SNX29: variants seen among roughly 807,000 people sequenced by gnomAD.
The protein encoded by SNX29 is sorting nexin-29.
In SNX29, 78 loss-of-function variants were observed where a neutral mutation model predicts 102.1. The ratio of observed to expected loss-of-function variants is 0.76; its 90% CI spans 0.64 to 0.92. SNX29 has a LOEUF of 0.92. Ranked by LOEUF, SNX29 falls within the 40% of genes least tolerant of loss-of-function variation. The pLI is 0.00. For synonymous variants in SNX29, 580 were observed against 414.5 expected (o/e 1.40, Z -4.85); for missense variants, 1,280 against 1,061.7 (o/e 1.21, Z -2.86).
At chr16:12,432,855 A>G (rs768931403) in intron 18 of SNX29, among the ~76,000 whole-genome samples, 45 of 152,218 alleles carry the variant, frequency 3.0e-4, no homozygotes, top group Non-Finnish European at 5.9e-4. Flanking sequence ...GCTCCCCACT[A>G]TGCAACTGCC....
intron 20 of SNX29, among the ~76,000 whole-genome samples, chr16:12,536,949 C>G (rs912015243): frequency 4.1e-4 from 63 of 152,016 alleles, no homozygotes; most frequent in African/African-American, 3.4e-4. Flanking sequence ...GCACTCCAGC[C>G]TAGGCGACAG....
At chr16:12,148,348 T>C (rs1207591754) in intron 13 of SNX29, among the ~76,000 whole-genome samples, 1 of 152,200 alleles carries the variant, frequency 6.6e-6, no homozygotes, top group East Asian at 1.9e-4. Context: ...TCCCTCTTGT[T>C]TCTGGTAATG....
At chr16:12,176,912 G>T (rs996164691) in intron 13 of SNX29, among the ~76,000 whole-genome samples, 2 of 152,058 alleles carry the variant, frequency 1.3e-5, no homozygotes, top group Non-Finnish European at 2.9e-5. Flanking sequence ...AAAATTTGCA[G>T]GTCCTGGGGT....
intron 19 of SNX29, chr16:12,515,381 G>A (rs1046308602): frequency 7.0e-5 from 28 of 398,400 alleles, no homozygotes; most frequent in South Asian, 4.8e-4. Flanking sequence ...ATCAACAAAC[G>A]AATATATGTG....
intron 15 of SNX29, among the ~76,000 whole-genome samples, chr16:12,345,185 T>C (rs1356862269): frequency 6.6e-6 from 1 of 152,222 alleles, no homozygotes; most frequent in African/African-American, 2.4e-5. Flanking sequence ...AGCTGTGAAC[T>C]GCCCAGGAGA....
chr16:12,506,264 T>C (rs974468899), intron 19 of SNX29, among the ~76,000 whole-genome samples: 2 of 152,056 alleles, frequency 1.3e-5, no homozygotes, highest in African/African-American at 2.4e-5. Flanking sequence ...GCCTGGCTAG[T>C]GTGTCCATTC....
intron 16 of SNX29, among the ~76,000 whole-genome samples, chr16:12,361,591 C>G (rs923869229): frequency 1.3e-5 from 2 of 152,114 alleles, no homozygotes; most frequent in Non-Finnish European, 2.9e-5. Context: ...AAAGCTGAGA[C>G]TCAGAAATGA....
intron 13 of SNX29, among the ~76,000 whole-genome samples, chr16:12,175,220 G>T (rs182340178): frequency 1.3e-5 from 2 of 152,176 alleles, no homozygotes; most frequent in Non-Finnish European, 2.9e-5. Flanking sequence ...CCAGAAGTGG[G>T]TCACTCTTGG....
intron 19 of SNX29, chr16:12,515,591 A>C (rs775830042): frequency 2.0e-6 from 1 of 489,860 alleles, no homozygotes; most frequent in Admixed American, 2.3e-5. Flanking sequence ...CTGAATCTTC[A>C]GGTGACCTCC....
intron 18 of SNX29, among the ~76,000 whole-genome samples, chr16:12,436,783 A>C (rs1054136083): frequency 5.3e-5 from 8 of 152,194 alleles, no homozygotes; most frequent in Non-Finnish European, 1.2e-4. Flanking sequence ...CCTCCCTAGT[A>C]GCTGGGATTA....
intron 15 of SNX29, among the ~76,000 whole-genome samples, chr16:12,317,170 C>G (rs148713622): frequency 3.7e-4 from 57 of 152,306 alleles, no homozygotes; most frequent in African/African-American, 1.3e-3. Context: ...GGCGGACTGT[C>G]TTTAGGTTAA....
intron 16 of SNX29, among the ~76,000 whole-genome samples, chr16:12,359,813 C>G (rs952312350): frequency 3.9e-5 from 6 of 152,060 alleles, no homozygotes; most frequent in African/African-American, 1.4e-4. Flanking sequence ...ATTATCACAC[C>G]TATTTTTATT....
At chr16:12,437,653 C>T (rs1416210244) in intron 18 of SNX29, among the ~76,000 whole-genome samples, 5 of 152,214 alleles carry the variant, frequency 3.3e-5, no homozygotes, top group Non-Finnish European at 7.3e-5. Context: ...TAGCTGCCCT[C>T]TCCTCCTTCA....
chr16:12,476,427 T>C (rs1275461049), intron 18 of SNX29, among the ~76,000 whole-genome samples: 2 of 85,452 alleles, frequency 2.3e-5, no homozygotes, highest in Admixed American at 1.6e-4. Flanking sequence ...TATATATATA[T>C]ATATATATAT....
At chr16:12,242,922 G>C (rs1299641250) in intron 14 of SNX29, among the ~76,000 whole-genome samples, 2 of 152,040 alleles carry the variant, frequency 1.3e-5, no homozygotes. Context: ...TGCTAGGATT[G>C]CAGGTGTGGG....
At chr16:12,120,226 A>AG (rs2053915721) in intron 11 of SNX29, among the ~76,000 whole-genome samples, 1 of 152,226 alleles carries the variant, frequency 6.6e-6, no homozygotes, top group Non-Finnish European at 1.5e-5. Context: ...ATGATGATGT[A>AG]GGTTAAGTCC....
intron 19 of SNX29, among the ~76,000 whole-genome samples, chr16:12,491,604 G>A (rs1202788093): frequency 6.6e-6 from 1 of 151,786 alleles, no homozygotes; most frequent in Non-Finnish European, 1.5e-5. Flanking sequence ...ATGTATACAT[G>A]TGCCATGTTG....
At chr16:12,528,309 C>T (rs1476879267) in intron 20 of SNX29, among the ~76,000 whole-genome samples, 3 of 152,108 alleles carry the variant, frequency 2.0e-5, no homozygotes, top group East Asian at 3.9e-4. Flanking sequence ...GTGATTTTCC[C>T]GCCTCAGCCT....
At chr16:11,994,220 C>T (rs2055969959) in intron 1 of SNX29, among the ~76,000 whole-genome samples, 1 of 152,206 alleles carries the variant, frequency 6.6e-6, no homozygotes, top group Admixed American at 6.5e-5. Context: ...GGAGTGTCAG[C>T]TGACTGCATT....
Sources: gnomAD v4.1 joint callset for allele counts (sites outside exome capture counted in the v4.1 genomes callset) on GRCh38, gnomAD v4.1.1 for gene constraint, MANE v1.5 for transcripts, NCBI Gene and HGNC (gene_info 2026-07-23, HGNC 2026-07-21) for gene names.